The following NHERF2 variants were observed in gnomAD, a reference collection of about 807,000 sequenced individuals.
The protein encoded by NHERF2 is NHERF family PDZ scaffold protein 2, also known as Na(+)/H(+) exchange regulatory cofactor NHE-RF2.
At chr16:2,037,649 C>A in the NHERF2 span, 2 of 1,596,762 alleles carry the variant, frequency 1.3e-6, no homozygotes, top group South Asian at 2.3e-5. Context: ...TGCTAGAGGC[C>A]TTGGGGTAGG....
At chr16:2,035,943 G>A in the NHERF2 span, 17 of 214,538 alleles carry the variant, frequency 7.9e-5, 1 homozygote, top group South Asian at 5.8e-4. Context: ...AGGAGAGCCC[G>A]GGGCAGGGGG....
the NHERF2 span, among the ~76,000 whole-genome samples, chr16:2,037,219 T>A: frequency 2.0e-5 from 3 of 152,156 alleles, no homozygotes; most frequent in Non-Finnish European, 4.4e-5. Flanking sequence ...TTCTGTCCTC[T>A]CCTGGGCACC....
At chr16:2,035,637 G>C in the NHERF2 span, 53 of 986,134 alleles carry the variant, frequency 5.4e-5, no homozygotes, top group Non-Finnish European at 5.9e-5. Flanking sequence ...GTGGTCATTG[G>C]GCCTGGCCTT....
chr16:2,037,845 A>G, the NHERF2 span: 7 of 1,594,866 alleles, frequency 4.4e-6, no homozygotes, highest in South Asian at 5.7e-5. Flanking sequence ...GCCTGGAAGC[A>G]AGATCCCTTC....
chr16:2,029,699 G>C, the NHERF2 span: 344 of 1,558,684 alleles, frequency 2.2e-4, no homozygotes, highest in Non-Finnish European at 2.7e-4. Context: ...GGCCCAGCGA[G>C]GGCTCCCACC....
chr16:2,035,470 G>C, the NHERF2 span: 2 of 986,048 alleles, frequency 2.0e-6, no homozygotes, highest in Non-Finnish European at 2.4e-6. Context: ...GCAGCCCCCA[G>C]CCCGCCTGCA....
At chr16:2,027,290 G>C in the NHERF2 span, 1 of 974,490 alleles carries the variant, frequency 1.0e-6, no homozygotes, top group South Asian at 4.0e-5. Context: ...AGCAGGGGTC[G>C]CACGGGGGCC....
At chr16:2,035,413 G>A in the NHERF2 span, 13 of 985,790 alleles carry the variant, frequency 1.3e-5, no homozygotes, top group African/African-American at 2.3e-4. Flanking sequence ...CTGGCCTGTG[G>A]TCCCTCAGGG....
At chr16:2,031,456 C>T in the NHERF2 span, among the ~76,000 whole-genome samples, 1 of 152,238 alleles carries the variant, frequency 6.6e-6, no homozygotes, top group African/African-American at 2.4e-5. Flanking sequence ...GCATGGTTCA[C>T]CTTCCTGTGG....
chr16:2,037,922 G>C, the NHERF2 span: 1 of 1,613,014 alleles, frequency 6.2e-7, no homozygotes, highest in Non-Finnish European at 8.5e-7. Context: ...AGCCATGCGA[G>C]TCAACAAGCG....
chr16:2,036,671 G>A, the NHERF2 span: 119 of 1,591,810 alleles, frequency 7.5e-5, no homozygotes, highest in Admixed American at 1.0e-4. Flanking sequence ...ACCTGGCCAC[G>A]CGGCGTTGGG....
At chr16:2,035,372 C>A in the NHERF2 span, 3 of 984,898 alleles carry the variant, frequency 3.0e-6, no homozygotes, top group Non-Finnish European at 3.6e-6. Context: ...CTGAGCGCCC[C>A]CTTGCCATGC....
At chr16:2,032,934 T>A in the NHERF2 span, 1 of 1,084,684 alleles carries the variant, frequency 9.2e-7, no homozygotes, top group Admixed American at 5.0e-5. This position sits in a 1 kb window ranked among gnomAD's most constrained non-coding sequence, Gnocchi z 4.0. Context: ...GGGGTGACAG[T>A]TCTGCGGGAG....
the NHERF2 span, among the ~76,000 whole-genome samples, chr16:2,034,293 T>C: frequency 6.6e-6 from 1 of 151,898 alleles, no homozygotes; most frequent in African/African-American, 2.4e-5. Context: ...TGAATTGGGC[T>C]CCTGTCCCCA....
At chr16:2,036,060 A>C in the NHERF2 span, 1 of 492,230 alleles carries the variant, frequency 2.0e-6, no homozygotes, top group Admixed American at 3.5e-5. Flanking sequence ...GCTGGCCTCG[A>C]GCCAAAGGAA....
the NHERF2 span, chr16:2,035,623 G>A: frequency 2.0e-6 from 2 of 986,496 alleles, no homozygotes; most frequent in Non-Finnish European, 2.4e-6. Flanking sequence ...CCCCTGGCTG[G>A]GAGGTGGTCA....
the NHERF2 span, chr16:2,038,184 G>C: frequency 3.3e-6 from 2 of 614,996 alleles, no homozygotes; most frequent in Non-Finnish European, 5.7e-6. Context: ...TAGGGGGAGA[G>C]AGACCCAGAG....
chr16:2,038,454 T>C, the NHERF2 span: 6 of 354,666 alleles, frequency 1.7e-5, no homozygotes, highest in African/African-American at 5.4e-5. Context: ...CTCTAAATAA[T>C]TGCAATAAAA....
At chr16:2,029,256 C>G in the NHERF2 span, among the ~76,000 whole-genome samples, 1 of 152,318 alleles carries the variant, frequency 6.6e-6, no homozygotes, top group South Asian at 2.1e-4. Context: ...ATTTTTGTCA[C>G]TTCCAGACAG....
Sources: allele counts gnomAD v4.1 joint callset (sites outside exome capture counted in the v4.1 genomes callset), GRCh38; gene constraint gnomAD v4.1.1; non-coding constraint Gnocchi (gnomAD v3.1); transcripts MANE v1.5; gene names NCBI Gene and HGNC (gene_info 2026-07-23, HGNC 2026-07-21).